Variants in GABRG3 observed in about 807,000 individuals in gnomAD.
GABRG3 encodes gamma-aminobutyric acid receptor subunit gamma-3.
GABRG3 carries 25 observed loss-of-function variants against 48.8 expected under a neutral mutation model. The ratio of observed to expected loss-of-function variants is 0.51; its 90% CI spans 0.37 to 0.72. The LOEUF is 0.72. Among genes scored for constraint, GABRG3 ranks in the 30% least tolerant of loss-of-function variants. GABRG3 has a pLI of 0.00. For synonymous variants in GABRG3, 227 were observed against 217.6 expected, an observed-to-expected ratio of 1.04 and a Z score of -0.38; for missense variants, 394 against 577.9, an observed-to-expected ratio of 0.68 and a Z score of 3.26.
chr15:27,527,473 C>A lies in GABRG3; in HGVS notation c.906C>A (p.Ile302=). The change falls in exon 8 of 10, where the codon ATC becomes ATA. Residue 302 remains isoleucine, a synonymous_variant. Coordinates refer to ENST00000615808, the MANE Select transcript of GABRG3 (RefSeq NM_033223.5). ...TGACCATGACCACCCTGAGCACCAT[C>A]GCCAGGAAGTCCTTGCCACGCGTGT... ...TVLTMTTLST[I]ARKSLPRVSY... is the part of the protein sequence containing the mutation. The A allele has an allele frequency of 6.2e-7, 1 of 1,613,948 alleles. No homozygotes were observed. The highest frequency in any genetic ancestry group is 8.5e-7 in the Non-Finnish European group (1 of 1,179,896).
intron 2 of GABRG3, among the ~76,000 whole-genome samples, chr15:26,988,107 A>T (rs976452769): frequency 6.6e-6 from 1 of 152,222 alleles, no homozygotes; most frequent in African/African-American, 2.4e-5. Context: ...GTACTTGGAA[A>T]GAATGTATAT....
chr15:27,467,420 G>A (rs1366838740), intron 5 of GABRG3, among the ~76,000 whole-genome samples: 1 of 152,174 alleles, frequency 6.6e-6, no homozygotes, highest in Non-Finnish European at 1.5e-5. Flanking sequence ...TAGGAGGTGG[G>A]AGTCCCGTCC....
intron 6 of GABRG3, among the ~76,000 whole-genome samples, chr15:27,489,183 C>T (rs1890289219): frequency 1.3e-5 from 2 of 152,170 alleles, no homozygotes; most frequent in South Asian, 2.1e-4. Flanking sequence ...CCAGCTTCAT[C>T]CATGTCCCTG....
chr15:27,008,218 T>C (rs574019127), intron 2 of GABRG3, among the ~76,000 whole-genome samples: 2 of 152,358 alleles, frequency 1.3e-5, no homozygotes, highest in South Asian at 2.1e-4. Flanking sequence ...TATGTAAGTA[T>C]GTATTAACCT....
chr15:27,457,662 A>G lies in GABRG3; in HGVS notation c.575-22988A>G, dbSNP rs1889323691. 6.6e-6 allele frequency among the ~76,000 whole-genome samples: 1 copy of G among 152,142 alleles called. No homozygotes were observed. The highest frequency in any genetic ancestry group is 2.4e-5 in the African/African-American group (1 of 41,442). On this transcript the variant is annotated intron_variant, in intron 5 of 9. Coordinates refer to ENST00000615808, the MANE Select transcript of GABRG3 (RefSeq NM_033223.5). This position sits in a 1 kb window ranked among gnomAD's most constrained non-coding sequence, Gnocchi z 4.4. Reference sequence around the variant, plus strand: ...GACGGGCTGCCTCCTTGGAGTCTGCAGCCTCACATCAGCCTAGACGCCTGG... The same window carrying G: ...GACGGGCTGCCTCCTTGGAGTCTGCGGCCTCACATCAGCCTAGACGCCTGG...
chr15:27,119,146 C>T (rs541534673), intron 3 of GABRG3, among the ~76,000 whole-genome samples: 1 of 152,286 alleles, frequency 6.6e-6, no homozygotes, highest in Non-Finnish European at 1.5e-5. Flanking sequence ...AACACACAGA[C>T]CTTGCTAAGT....
At chr15:27,279,906 T>C (rs190330628) in intron 3 of GABRG3, among the ~76,000 whole-genome samples, 44 of 152,330 alleles carry the variant, frequency 2.9e-4, no homozygotes, top group African/African-American at 1.1e-3. Flanking sequence ...TTTCTGTTTA[T>C]ATCTTTGATT....
chr15:27,238,579 C>T (rs952950242), intron 3 of GABRG3, among the ~76,000 whole-genome samples: 1 of 152,200 alleles, frequency 6.6e-6, no homozygotes, highest in East Asian at 1.9e-4. Context: ...GGATGGATGA[C>T]AGCCCCCAAA....
At chr15:27,192,984 C>A (rs1888372117) in intron 3 of GABRG3, among the ~76,000 whole-genome samples, 1 of 152,210 alleles carries the variant, frequency 6.6e-6, no homozygotes, top group African/African-American at 2.4e-5. Flanking sequence ...AGGTCCACTC[C>A]AGACCCTGTT....
At position 27,252,819 on chromosome 15, in the gene GABRG3, TATAA is replaced by T. The variant is rs545610630; in HGVS notation, c.271-73985_271-73982del. On this transcript the variant is annotated intron_variant, in intron 3 of 9. Coordinates refer to ENST00000615808, the MANE Select transcript of GABRG3 (RefSeq NM_033223.5). ...AAGGTCCGTGTCTGGAGGATTTTGT[TATAA>T]ATAATTGCACAGCACACTGTCTAGT... is the stretch of plus-strand genomic sequence containing the variant. 2.0e-3 allele frequency among the ~76,000 whole-genome samples: 309 copies of T among 152,350 alleles called. 2 individuals are homozygous for T. The highest frequency in any genetic ancestry group is 6.9e-3 in the African/African-American group (285 of 41,590).
chr15:27,047,562 G>T (rs1896385410), intron 3 of GABRG3, among the ~76,000 whole-genome samples: 1 of 152,174 alleles, frequency 6.6e-6, no homozygotes, highest in African/African-American at 2.4e-5. Flanking sequence ...TATCAACTTT[G>T]TTTAGTGAAT....
chr15:27,468,041 T>C (rs1224155751), intron 5 of GABRG3, among the ~76,000 whole-genome samples: 1 of 152,166 alleles, frequency 6.6e-6, no homozygotes. Flanking sequence ...CATTAGTCAC[T>C]TCGGTACAGT....
At chr15:27,526,493 T>C (rs1377485372) in intron 7 of GABRG3, among the ~76,000 whole-genome samples, 1 of 152,214 alleles carries the variant, frequency 6.6e-6, no homozygotes, top group Non-Finnish European at 1.5e-5. Flanking sequence ...CCCTGTCTAG[T>C]AGTCCTGACA....
intron 5 of GABRG3, among the ~76,000 whole-genome samples, chr15:27,369,493 T>C (rs564896619): frequency 6.6e-6 from 1 of 152,270 alleles, no homozygotes; most frequent in South Asian, 2.1e-4. Context: ...AGGAATATCT[T>C]TGGTGTATGA....
intron 5 of GABRG3, among the ~76,000 whole-genome samples, chr15:27,343,189 TG>T (rs1467969410): frequency 6.6e-6 from 1 of 152,118 alleles, no homozygotes; most frequent in Non-Finnish European, 1.5e-5. Flanking sequence ...GAAGGGGGAC[TG>T]GGAGCCAGCA....
At chr15:27,407,084 C>T (rs758942777) in intron 5 of GABRG3, among the ~76,000 whole-genome samples, 22 of 152,130 alleles carry the variant, frequency 1.4e-4, no homozygotes, top group African/African-American at 2.9e-4. Flanking sequence ...CGTGCGACCA[C>T]GGCCGGCTAA....
chr15:27,140,541 A>T (rs1367058839), intron 3 of GABRG3, among the ~76,000 whole-genome samples: 1 of 152,166 alleles, frequency 6.6e-6, no homozygotes, highest in Non-Finnish European at 1.5e-5. Context: ...ATGAACTGGG[A>T]TTGGACCATC....
At chr15:27,490,886 C>A (rs563797936) in intron 6 of GABRG3, among the ~76,000 whole-genome samples, 1 of 150,356 alleles carries the variant, frequency 6.7e-6, no homozygotes, top group Admixed American at 6.6e-5. Flanking sequence ...TGTCCTGCCA[C>A]CACCCCCACC....
chr15:27,046,285 A>G (rs936551212), intron 3 of GABRG3, among the ~76,000 whole-genome samples: 2 of 136,528 alleles, frequency 1.5e-5, no homozygotes, highest in Non-Finnish European at 3.1e-5. Context: ...TTGTATTTTT[A>G]GTAGAGACTG....
Sources: gnomAD v4.1 joint callset for allele counts (sites outside exome capture counted in the v4.1 genomes callset) on GRCh38, gnomAD v4.1.1 for gene constraint, Gnocchi (gnomAD v3.1) non-coding constraint, MANE v1.5 for transcripts, NCBI Gene and HGNC (gene_info 2026-07-23, HGNC 2026-07-21) for gene names.